MILR1: variants seen among roughly 807,000 people sequenced by gnomAD.
The protein encoded by MILR1 is allergin-1.
In MILR1, 31 loss-of-function variants were observed where a neutral mutation model predicts 18.5. The observed-to-expected ratio is 1.68, with a 90% CI of 1.26 to 2.26. The LOEUF is 2.26. MILR1 is among the 30% of genes most tolerant of loss of function. The pLI, the probability that MILR1 is intolerant of heterozygous loss-of-function variation, is 0.00. For synonymous variants in MILR1, 85 were observed against 56.2 expected (o/e 1.51, Z -2.30); for missense variants, 257 against 157.4 (o/e 1.63, Z -3.38).
At chr17:64,469,829 T>C (rs2037660705), downstream of MILR1, among the ~76,000 whole-genome samples, 1 of 152,156 alleles carries the variant, frequency 6.6e-6, no homozygotes, top group Non-Finnish European at 1.5e-5. Context: ...GGCTCAGCAA[T>C]TGCCACTCAC....
At chr17:64,455,753 A>C (rs2037283353) in intron 3 of MILR1, among the ~76,000 whole-genome samples, 1 of 151,640 alleles carries the variant, frequency 6.6e-6, no homozygotes, top group African/African-American at 2.4e-5. Flanking sequence ...TAAAGAGAAC[A>C]CAGGGCCGGC....
rs2037416520 is a variant in MILR1 at position 64,460,901 on chromosome 17, G to T, written c.732G>T (p.Leu244=). The T allele has an allele frequency of 2.1e-6, 1 of 474,914 alleles. No individual in the cohort carries two copies. Among genetic ancestry groups the T allele is most frequent in the Non-Finnish European group, 3.9e-6 (1 of 258,868 alleles). 29.4% of individuals were successfully genotyped at this position (474,914 alleles called of 1,614,324 possible). The change falls in exon 5 of 10, where the codon CTG becomes CTT. Residue 244 remains leucine, a synonymous_variant. Transcript: ENST00000619286. ...LLLLVVIILI[L]AFWVLPKYKT... ...TGCTGGTGGTGATAATCCTAATTCT[G>T]GCTTTTTGGGTACTGCCCAAATACA...
chr17:64,489,275 TA>T, the MILR1 span, among the ~76,000 whole-genome samples: 20 of 141,980 alleles, frequency 1.4e-4, no homozygotes, highest in Middle Eastern at 3.6e-3. Flanking sequence ...AATACCAATT[TA>T]AAAAAAAAAT....
At chr17:64,482,778 G>A in the MILR1 span, 1 of 637,732 alleles carries the variant, frequency 1.6e-6, no homozygotes, top group South Asian at 1.8e-5. Context: ...ATGCTCATCA[G>A]AACATTTAAG....
the MILR1 span, among the ~76,000 whole-genome samples, chr17:64,481,003 C>G: frequency 2.0e-5 from 3 of 152,124 alleles, no homozygotes; most frequent in African/African-American, 7.2e-5. Flanking sequence ...AATAGGGAAG[C>G]AAAACAAAGC....
the MILR1 span, chr17:64,485,940 T>A: frequency 1.4e-6 from 2 of 1,475,992 alleles, no homozygotes; most frequent in Non-Finnish European, 1.9e-6. Flanking sequence ...TGAGACGGAG[T>A]CTCACTCTGT....
chr17:64,489,600 A>G, the MILR1 span, among the ~76,000 whole-genome samples: 1 of 152,034 alleles, frequency 6.6e-6, no homozygotes, highest in Non-Finnish European at 1.5e-5. Context: ...GTCTCTACAA[A>G]TATTAAACCA....
chr17:64,480,725 A>G, the MILR1 span, among the ~76,000 whole-genome samples: 1 of 152,226 alleles, frequency 6.6e-6, no homozygotes, highest in Non-Finnish European at 1.5e-5. Context: ...CAGGAGATCC[A>G]AAGGGCTGTA....
intron 5 of MILR1, among the ~76,000 whole-genome samples, chr17:64,461,469 G>A (rs1327416856): frequency 6.6e-6 from 1 of 151,834 alleles, no homozygotes; most frequent in Admixed American, 6.6e-5. Flanking sequence ...GGCTGGTCCC[G>A]AACTCCCAGC....
chr17:64,456,028 G>A (rs1185827761), intron 3 of MILR1, among the ~76,000 whole-genome samples: 1 of 152,022 alleles, frequency 6.6e-6, no homozygotes, highest in South Asian at 2.1e-4. Flanking sequence ...GTGACAGAGT[G>A]AGACTCCGTC....
the MILR1 span, among the ~76,000 whole-genome samples, chr17:64,495,643 C>G: frequency 6.6e-6 from 1 of 152,188 alleles, no homozygotes; most frequent in African/African-American, 2.4e-5. Flanking sequence ...TACGTACCTT[C>G]TTTTACATAT....
the MILR1 span, chr17:64,496,459 A>G: frequency 5.0e-6 from 8 of 1,596,918 alleles, no homozygotes; most frequent in Middle Eastern, 3.3e-4. Flanking sequence ...CGTTCTCAAG[A>G]AATGCTACTA....
At chr17:64,478,305 T>C in the MILR1 span, among the ~76,000 whole-genome samples, 1 of 152,224 alleles carries the variant, frequency 6.6e-6, no homozygotes, top group Non-Finnish European at 1.5e-5. Flanking sequence ...CTTTTGGTTC[T>C]TGGATGCAAT....
In MILR1 at chr17:64,452,912, G is replaced by A; in HGVS notation, c.367+46G>A. 6.4e-6 allele frequency: 3 copies of A among 468,550 alleles called. No individual in the cohort carries two copies. In the East Asian group the frequency reaches 9.4e-5, roughly 15 times the overall value. The allele number at this position is 468,550 out of a possible 1,614,324, so 29.0% of individuals were successfully genotyped here. On this transcript the variant is annotated intron_variant, in intron 3 of 9. Coordinates refer to ENST00000619286, the MANE Select transcript of MILR1 (RefSeq NM_001085423.2). ...TTGGAGCCCCTATAATTTATAGGGT[G>A]CTTTCTGGTTCTATGAGGGGCTCTC...
the MILR1 span, chr17:64,490,994 C>G: frequency 6.4e-7 from 1 of 1,565,714 alleles, no homozygotes; most frequent in Non-Finnish European, 8.8e-7. Flanking sequence ...TTAAGTTTGT[C>G]TTAACATATT....
chr17:64,465,470 A>T lies in MILR1; in HGVS notation c.782A>T (p.Asn261Ile). 6.2e-7 allele frequency: 1 copy of T among 1,609,026 alleles called. No homozygotes were observed. The highest frequency in any genetic ancestry group is 8.5e-7 in the Non-Finnish European group (1 of 1,177,482). Residue 261 changes from asparagine (N) to isoleucine (I), a missense_variant, in exon 6 of 10, where the codon AAT (asparagine) becomes ATT (isoleucine). Asn to Ile is a moderately radical substitution (Grantham distance 149). Coordinates refer to ENST00000619286, the MANE Select transcript of MILR1 (RefSeq NM_001085423.2). ...KYKTRKAMRN[N>I]VPRDRGDTAM... ...TACGTAGGAAAAGCTATGAGAAATA[A>T]TGTGCCCAGGGACCGTGGAGACACA...
intron 3 of MILR1, among the ~76,000 whole-genome samples, chr17:64,455,017 C>T (rs1484818392): frequency 6.6e-6 from 1 of 151,926 alleles, no homozygotes; most frequent in Non-Finnish European, 1.5e-5. Flanking sequence ...AAAAAAATCC[C>T]AATGATCTTT....
At chr17:64,494,860 G>T in the MILR1 span, among the ~76,000 whole-genome samples, 2 of 152,106 alleles carry the variant, frequency 1.3e-5, no homozygotes, top group Non-Finnish European at 2.9e-5. Context: ...ATTTCTCCCA[G>T]TACTGGTTCA....
the MILR1 span, among the ~76,000 whole-genome samples, chr17:64,479,216 C>T: frequency 6.8e-6 from 1 of 147,482 alleles, no homozygotes; most frequent in Non-Finnish European, 1.5e-5. Flanking sequence ...AGGAGTCTCG[C>T]TCTGTCACCC....
Sources: gnomAD v4.1 joint callset for allele counts (sites outside exome capture counted in the v4.1 genomes callset) on GRCh38, gnomAD v4.1.1 for gene constraint, MANE v1.5 for transcripts, NCBI Gene and HGNC (gene_info 2026-07-23, HGNC 2026-07-21) for gene names.